THSD7B: variants seen among roughly 807,000 people sequenced by gnomAD.
THSD7B encodes the protein thrombospondin type 1 domain containing 7B.
A neutral mutation model predicts 213.6 loss-of-function variants in THSD7B; 138 were observed. That is an observed-to-expected ratio of 0.65 (90% CI 0.56 to 0.74). The LOEUF is 0.74. Ranked by LOEUF, THSD7B falls within the 30% of genes least tolerant of loss-of-function variation. The probability of loss-of-function intolerance (pLI) is 0.00; values close to 1 mark genes in which losing one functional copy is unlikely to be tolerated. For synonymous variants in THSD7B, 742 were observed against 687.0 expected, an observed-to-expected ratio of 1.08 and a Z score of -1.25; for missense variants, 1,931 against 1,991.5, an observed-to-expected ratio of 0.97 and a Z score of 0.58.
At chr2:136,773,491 A>G (rs977160721) in intron 1 of THSD7B, among the ~76,000 whole-genome samples, 1 of 152,124 alleles carries the variant, frequency 6.6e-6, no homozygotes, top group Non-Finnish European at 1.5e-5. Context: ...TTTTAATAAT[A>G]TGTCTTATTA....
chr2:137,352,912 T>C (rs1218248503), intron 12 of THSD7B, among the ~76,000 whole-genome samples: 1 of 151,856 alleles, frequency 6.6e-6, no homozygotes, highest in African/African-American at 2.4e-5. Flanking sequence ...ATATATATTA[T>C]ATAATGCATT....
chr2:137,560,761 A>T (rs897150478), intron 15 of THSD7B, among the ~76,000 whole-genome samples: 7 of 152,066 alleles, frequency 4.6e-5, no homozygotes, highest in African/African-American at 1.7e-4. Context: ...AAAGGAGTCC[A>T]GGTGCTGACT....
intron 15 of THSD7B, among the ~76,000 whole-genome samples, chr2:137,468,629 TGGGGGG>T (rs769286881): frequency 6.6e-4 from 2 of 3,046 alleles, no homozygotes; most frequent in Admixed American, 6.0e-3. Flanking sequence ...TGTGGAGGGG[TGGGGGG>T]TGGGGGTGGG....
intron 14 of THSD7B, among the ~76,000 whole-genome samples, chr2:137,412,437 C>T (rs1318548240): frequency 3.3e-5 from 5 of 151,494 alleles, no homozygotes; most frequent in Admixed American, 6.6e-5. Context: ...CCTGTCTCTA[C>T]TGAAAATACA....
chr2:137,357,909 T>C (rs1298427628), intron 12 of THSD7B, among the ~76,000 whole-genome samples: 3 of 152,226 alleles, frequency 2.0e-5, no homozygotes, highest in African/African-American at 7.2e-5. Flanking sequence ...GAGTGAGGCT[T>C]TGCTCTGTAT....
chr2:136,866,817 G>T (rs1361253024), intron 1 of THSD7B, among the ~76,000 whole-genome samples: 1 of 152,176 alleles, frequency 6.6e-6, no homozygotes, highest in Non-Finnish European at 1.5e-5. Context: ...TTGATGGGAT[G>T]AATAGAAGAA....
intron 2 of THSD7B, among the ~76,000 whole-genome samples, chr2:136,890,004 C>T (rs1355628633): frequency 6.6e-6 from 1 of 152,120 alleles, no homozygotes; most frequent in Non-Finnish European, 1.5e-5. Context: ...TGATTGATAG[C>T]TTGGGTGTGA....
chr2:137,369,895 A>G (rs181732480), intron 12 of THSD7B, among the ~76,000 whole-genome samples: 32 of 152,324 alleles, frequency 2.1e-4, no homozygotes, highest in Admixed American at 9.2e-4. Flanking sequence ...TGCAATGCTT[A>G]ATAGAGCTTC....
At chr2:137,189,906 A>T (rs1181085608) in intron 7 of THSD7B, among the ~76,000 whole-genome samples, 1 of 152,066 alleles carries the variant, frequency 6.6e-6, no homozygotes, top group Non-Finnish European at 1.5e-5. Flanking sequence ...TAATAAGTCT[A>T]AATTGCCTTC....
chr2:137,501,073 A>G (rs1426948927), intron 15 of THSD7B, among the ~76,000 whole-genome samples: 1 of 152,104 alleles, frequency 6.6e-6, no homozygotes, highest in African/African-American at 2.4e-5. Context: ...AACATTTAGG[A>G]TCACCCTGAA....
intron 20 of THSD7B, among the ~76,000 whole-genome samples, chr2:137,634,458 CTATTT>C (rs1220343669): frequency 1.3e-5 from 2 of 152,106 alleles, no homozygotes; most frequent in Non-Finnish European, 2.9e-5. Flanking sequence ...ATTCAATGAA[CTATTT>C]GTTTCCAGTC....
intron 1 of THSD7B, among the ~76,000 whole-genome samples, chr2:136,768,450 G>T (rs934702156): frequency 1.3e-5 from 2 of 152,148 alleles, no homozygotes; most frequent in African/African-American, 4.8e-5. Flanking sequence ...ACTTTACAAA[G>T]ATTAGGCATT....
At chr2:137,059,936 G>T (rs1687240866) in intron 3 of THSD7B, among the ~76,000 whole-genome samples, 1 of 152,140 alleles carries the variant, frequency 6.6e-6, no homozygotes, top group Non-Finnish European at 1.5e-5. Flanking sequence ...GTTTAGTTTT[G>T]TAAGAAACTG....
At chr2:137,264,513 G>T (rs181952479) in intron 10 of THSD7B, among the ~76,000 whole-genome samples, 1 of 152,148 alleles carries the variant, frequency 6.6e-6, no homozygotes, top group African/African-American at 2.4e-5. Flanking sequence ...CTCCCAAAGT[G>T]TTGGAATTAC....
At chr2:137,624,452 G>T (rs1682583898) in intron 20 of THSD7B, among the ~76,000 whole-genome samples, 1 of 152,120 alleles carries the variant, frequency 6.6e-6, no homozygotes, top group African/African-American at 2.4e-5. Flanking sequence ...CAAAAACAAT[G>T]GCAACAAAAG....
At chr2:136,966,217 C>T (rs1046491409) in intron 2 of THSD7B, among the ~76,000 whole-genome samples, 1 of 51,616 alleles carries the variant, frequency 1.9e-5, no homozygotes, top group Non-Finnish European at 3.8e-5. Flanking sequence ...TTAATTCTTC[C>T]TAAACATTTT....
At chr2:137,186,871 A>G (rs1474352565) in intron 7 of THSD7B, among the ~76,000 whole-genome samples, 2 of 151,994 alleles carry the variant, frequency 1.3e-5, no homozygotes, top group Non-Finnish European at 2.9e-5. Flanking sequence ...TTTCTGTCAT[A>G]TCTGATTTTT....
chr2:137,322,550 A>C (rs1466608455), intron 12 of THSD7B, among the ~76,000 whole-genome samples: 1 of 152,208 alleles, frequency 6.6e-6, no homozygotes, highest in African/African-American at 2.4e-5. Flanking sequence ...TAACTTCACC[A>C]AGCTCATCTA....
rs1312852881 is a variant in THSD7B, at chr2:137,231,206, C to G, written c.1886C>G (p.Ser629Ter). The change falls in exon 8 of 28, where the codon TCA becomes TGA. Residue 629 changes from serine to a stop codon, truncating the protein, a stop_gained. Transcript: ENST00000409968. LOFTEE classifies it high-confidence loss of function. ...AACTCAGATGGGAAACAGACCAGGT[C>G]AAGAACTATCCTGGCACTGGCTGGG... ...NKNSDGKQTRSRTILALAGEG... is the reference protein window; with the variant it reads ...NKNSDGKQTR 1 of 1,612,196 alleles carries G rather than the reference C, an allele frequency of 6.2e-7. No homozygotes were observed. Among genetic ancestry groups the G allele is most frequent in the Non-Finnish European group, 8.5e-7 (1 of 1,179,040 alleles).
Sources: gnomAD v4.1 joint callset for allele counts (sites outside exome capture counted in the v4.1 genomes callset) on GRCh38, gnomAD v4.1.1 for gene constraint, MANE v1.5 for transcripts, NCBI Gene and HGNC (gene_info 2026-07-23, HGNC 2026-07-21) for gene names.